Variants in MEX3A observed in about 807,000 individuals in gnomAD.
The protein encoded by MEX3A is mex-3 RNA binding family member A.
In MEX3A, 4 loss-of-function variants were observed where a neutral mutation model predicts 30.0. That is an observed-to-expected ratio of 0.13 (90% CI 0.07 to 0.30). The LOEUF is 0.30. MEX3A is among the 10% of genes least tolerant of loss of function. The pLI is 1.00. For missense variants in MEX3A, 555 were observed against 736.7 expected (o/e 0.75, Z 2.86); for synonymous variants, 335 against 327.6 (o/e 1.02, Z -0.24).
rs1248629516 is a variant in MEX3A at position 156,072,331 on chromosome 1, GA to G, written c.*4242del. 3.3e-5 allele frequency: 5 copies of G among 152,276 alleles called. No individual in the cohort carries two copies. The highest frequency in any genetic ancestry group is 7.4e-5 in the Non-Finnish European group (5 of 67,998). The allele number at this position is 152,276 out of a possible 1,614,324, so 9.4% of individuals were successfully genotyped here. A position where few individuals can be genotyped will look rare whatever the true frequency, so the allele number is the denominator to read the frequency against. On this transcript the variant is annotated 3_prime_UTR_variant, in exon 2 of 2. Coordinates refer to ENST00000532414, the MANE Select transcript of MEX3A (RefSeq NM_001093725.2). Reference sequence around the variant, plus strand: ...ACCCGCACCCTCGAGTGGGGAAGGGGAAGCCCTCCCCACCCCAGACGCTACC... The same window carrying G: ...ACCCGCACCCTCGAGTGGGGAAGGGGAGCCCTCCCCACCCCAGACGCTACC...
In MEX3A at chr1:156,074,948, C is replaced by G. The variant is rs563985727; in HGVS notation, c.*1626G>C. 4 of 152,720 alleles carry G rather than the reference C, an allele frequency of 2.6e-5. No individual in the cohort carries two copies. Among genetic ancestry groups the G allele is most frequent in the Non-Finnish European group, 5.9e-5 (4 of 68,038 alleles). The allele number at this position is 152,720 out of a possible 1,614,324, so 9.5% of individuals were successfully genotyped here. A position where few individuals can be genotyped will look rare whatever the true frequency, so the allele number is the denominator to read the frequency against. ...CTGGAGCTTTAAGTGCTCGGGTGATCACTCAGAACAGTCCCACCCCACTAT... is the reference window on the plus strand; with the variant it reads ...CTGGAGCTTTAAGTGCTCGGGTGATGACTCAGAACAGTCCCACCCCACTAT... On this transcript the variant is annotated 3_prime_UTR_variant, in exon 2 of 2. Transcript: ENST00000532414.
At position 156,082,031 on chromosome 1, in the gene MEX3A, A is replaced by G. The variant is rs1648267227; in HGVS notation, c.-33T>C. 9.4e-6 allele frequency: 7 copies of G among 741,680 alleles called. No individual in the cohort carries two copies. Among genetic ancestry groups the G allele is most frequent in the African/African-American group, 4.1e-5 (2 of 49,086 alleles). 45.9% of individuals were successfully genotyped at this position (741,680 alleles called of 1,614,324 possible). A position where few individuals can be genotyped will look rare whatever the true frequency, so the allele number is the denominator to read the frequency against. On this transcript the variant is annotated 5_prime_UTR_variant, in exon 1 of 2. Transcript: ENST00000532414. ...CAAAAGCTGGGGGAGAGAGAGAGGG[A>G]GAGAGAGAGAGAGAGGTGGTGGAAG... is the stretch of plus-strand genomic sequence containing the variant.
Position 156,072,658 on chromosome 1 carries a change from G to T in MEX3A, c.*3916C>A, listed in dbSNP as rs1228569811. The T allele has an allele frequency of 1.3e-5, 2 of 152,750 alleles. No individual in the cohort carries two copies. The highest frequency in any genetic ancestry group is 1.5e-5 in the Non-Finnish European group (1 of 68,028). 9.5% of individuals were successfully genotyped at this position (152,750 alleles called of 1,614,324 possible). A position where few individuals can be genotyped will look rare whatever the true frequency, so the allele number is the denominator to read the frequency against. On this transcript the variant is annotated 3_prime_UTR_variant, in exon 2 of 2. Transcript: ENST00000532414. ...GAAGCCAAGCCCTCCAGTTTTGTGT[G>T]GGGAGGGCAATGTGTTCCCAGGCCA...
rs1335919667 is a variant in MEX3A, at chr1:156,074,712, A to G, written c.*1862T>C. On this transcript the variant is annotated 3_prime_UTR_variant, in exon 2 of 2. Coordinates refer to ENST00000532414, the MANE Select transcript of MEX3A (RefSeq NM_001093725.2). ...AGGGTGCCCATTTGGTTTGGTTTCT[A>G]TTGTACAGACATCTCAGGATGGCTC... The G allele has an allele frequency of 7.0e-6, 1 of 142,892 alleles. No individual in the cohort carries two copies. The highest frequency in any genetic ancestry group is 2.3e-4 in the East Asian group (1 of 4,372). The allele number at this position is 142,892 out of a possible 1,614,324, so 8.9% of individuals were successfully genotyped here.
At chr1:156,078,130 C>G (rs916290688) in intron 1 of MEX3A, among the ~76,000 whole-genome samples, 5 of 152,328 alleles carry the variant, frequency 3.3e-5, no homozygotes, top group African/African-American at 9.6e-5. Flanking sequence ...GTCACTGACC[C>G]TGATCTTTCC....
In MEX3A at chr1:156,076,486, C is replaced by T. The variant is rs915007744; in HGVS notation, c.*88G>A. ...GAGTATCTCTAAGCACCTTGCCCCT[C>T]AAATCACCGCTTTCCAAAAGGCTTT... On this transcript the variant is annotated 3_prime_UTR_variant, in exon 2 of 2. Coordinates refer to ENST00000532414, the MANE Select transcript of MEX3A (RefSeq NM_001093725.2). This position sits in a 1 kb window ranked among gnomAD's most constrained non-coding sequence, Gnocchi z 6.0. 1 of 1,406,014 alleles carries T rather than the reference C, an allele frequency of 7.1e-7. No individual in the cohort carries two copies. The highest frequency in any genetic ancestry group is 1.4e-5 in the African/African-American group (1 of 69,396). The allele number at this position is 1,406,014 out of a possible 1,614,324, so 87.1% of individuals were successfully genotyped here.
chr1:156,081,409 G>T, intron 1 of MEX3A, 136 bp downstream of exon 1: 1 of 718,734 alleles, frequency 1.4e-6, no homozygotes, highest in South Asian at 1.5e-5. Flanking sequence ...TTGAAATCAG[G>T]GTAGGGGGCG....
At position 156,077,801 on chromosome 1, in the gene MEX3A, C is replaced by T; in HGVS notation, c.455-119G>A. 1 of 1,406,734 alleles carries T rather than the reference C, an allele frequency of 7.1e-7. No homozygotes were observed. The allele number at this position is 1,406,734 out of a possible 1,614,324, so 87.1% of individuals were successfully genotyped here. ...AGCCTCCCAGGAACACTTCAGTCTACCCTTTGAAATGCCCACTGCTGCACA... is the reference window on the plus strand; with the variant it reads ...AGCCTCCCAGGAACACTTCAGTCTATCCTTTGAAATGCCCACTGCTGCACA... On this transcript the variant is annotated intron_variant, in intron 1 of 1. Coordinates refer to ENST00000532414, the MANE Select transcript of MEX3A (RefSeq NM_001093725.2). The surrounding 1 kb of genome is among the most constrained non-coding windows in gnomAD (Gnocchi z 8.3).
rs1647956949 is a variant in MEX3A, at chr1:156,072,979, A to G, written c.*3595T>C. ...TACTGCTGCCATGGAGGTCAAAGCTAAGTGGAAAGCTGGATGGGAACAGGG... is the reference window on the plus strand; with the variant it reads ...TACTGCTGCCATGGAGGTCAAAGCTGAGTGGAAAGCTGGATGGGAACAGGG... On this transcript the variant is annotated 3_prime_UTR_variant, in exon 2 of 2. Coordinates refer to ENST00000532414, the MANE Select transcript of MEX3A (RefSeq NM_001093725.2). The G allele has an allele frequency of 6.6e-6, 1 of 152,418 alleles. No homozygotes were observed. Among genetic ancestry groups the G allele is most frequent in the Non-Finnish European group, 1.5e-5 (1 of 68,060 alleles). 9.4% of individuals were successfully genotyped at this position (152,418 alleles called of 1,614,324 possible). A position where few individuals can be genotyped will look rare whatever the true frequency, so the allele number is the denominator to read the frequency against.
chr1:156,081,409 G>C, intron 1 of MEX3A, 136 bp downstream of exon 1: 1 of 718,734 alleles, frequency 1.4e-6, no homozygotes, highest in Non-Finnish European at 2.4e-6. Flanking sequence ...TTGAAATCAG[G>C]GTAGGGGGCG....
In MEX3A at chr1:156,076,567, A is replaced by G. The variant is rs1648068960; in HGVS notation, c.*7T>C. On this transcript the variant is annotated 3_prime_UTR_variant, in exon 2 of 2. Transcript: ENST00000532414. The surrounding 1 kb of genome is among the most constrained non-coding windows in gnomAD (Gnocchi z 6.0). ...GGAGTGGGCCCCGGAGGCATGGGGC[A>G]CGGGGCTTAGGAGAATATTCGGATG... 4 of 1,603,062 alleles carry G rather than the reference A, an allele frequency of 2.5e-6. No individual in the cohort carries two copies. Among genetic ancestry groups the G allele is most frequent in the African/African-American group, 2.7e-5 (2 of 74,662 alleles).
chr1:156,076,415 G>T lies in MEX3A; in HGVS notation c.*159C>A. The stretch of plus-strand genomic sequence containing the variant: ...GGTGACCAGAGGCTCTGAAAGTGGC[G>T]CACCCTCCAGCCACCACTGCCTCCC... On this transcript the variant is annotated 3_prime_UTR_variant, in exon 2 of 2. Coordinates refer to ENST00000532414, the MANE Select transcript of MEX3A (RefSeq NM_001093725.2). The surrounding 1 kb of genome is among the most constrained non-coding windows in gnomAD (Gnocchi z 6.0). 1.4e-6 allele frequency: 1 copy of T among 725,234 alleles called. No homozygotes were observed. Among genetic ancestry groups the T allele is most frequent in the Non-Finnish European group, 2.1e-6 (1 of 465,360 alleles). The allele number at this position is 725,234 out of a possible 1,614,324, so 44.9% of individuals were successfully genotyped here.
At chr1:156,079,339 G>A (rs904084469) in intron 1 of MEX3A, among the ~76,000 whole-genome samples, 6 of 151,850 alleles carry the variant, frequency 4.0e-5, no homozygotes, top group African/African-American at 9.7e-5. Flanking sequence ...TCAGCCTCCC[G>A]AGTAGCTGGG....
At position 156,076,429 on chromosome 1, in the gene MEX3A, C is replaced by T. The variant is rs1648065213; in HGVS notation, c.*145G>A. The T allele has an allele frequency of 1.2e-6, 1 of 857,972 alleles. No homozygotes were observed. Among genetic ancestry groups the T allele is most frequent in the Admixed American group, 3.1e-5 (1 of 32,582 alleles). 53.1% of individuals were successfully genotyped at this position (857,972 alleles called of 1,614,324 possible). A position where few individuals can be genotyped will look rare whatever the true frequency, so the allele number is the denominator to read the frequency against. On this transcript the variant is annotated 3_prime_UTR_variant, in exon 2 of 2. Transcript: ENST00000532414. The surrounding 1 kb of genome is among the most constrained non-coding windows in gnomAD (Gnocchi z 6.0). Reference sequence around the variant, plus strand: ...CTGAAAGTGGCGCACCCTCCAGCCACCACTGCCTCCCTCCCCCCTTCCCCA... The same window carrying T: ...CTGAAAGTGGCGCACCCTCCAGCCATCACTGCCTCCCTCCCCCCTTCCCCA...
chr1:156,080,666 G>A (rs1435096462), intron 1 of MEX3A, among the ~76,000 whole-genome samples: 2 of 152,098 alleles, frequency 1.3e-5, no homozygotes, highest in Admixed American at 1.3e-4. Context: ...TGGAGCAGCA[G>A]AGGGTGTGGT....
In MEX3A at chr1:156,082,018, G is replaced by T. The variant is rs1239314757; in HGVS notation, c.-20C>A. ...AGGCATGGCGAAACAAAAGCTGGGGGAGAGAGAGAGGGAGAGAGAGAGAGA... is the reference window on the plus strand; with the variant it reads ...AGGCATGGCGAAACAAAAGCTGGGGTAGAGAGAGAGGGAGAGAGAGAGAGA... On this transcript the variant is annotated 5_prime_UTR_variant, in exon 1 of 2. Transcript: ENST00000532414. The T allele has an allele frequency of 3.0e-6, 4 of 1,328,182 alleles. No individual in the cohort carries two copies. Among genetic ancestry groups the T allele is most frequent in the Middle Eastern group, 1.9e-4 (1 of 5,146 alleles). 82.3% of individuals were successfully genotyped at this position (1,328,182 alleles called of 1,614,324 possible). A position where few individuals can be genotyped will look rare whatever the true frequency, so the allele number is the denominator to read the frequency against.
chr1:156,072,908 G>A lies in MEX3A; in HGVS notation c.*3666C>T, dbSNP rs1369681710. ...ACAAGAAAGCACTTTGCAAGTAGGT[G>A]AAGAACGAGTCAGCTTTAAAGAACA... On this transcript the variant is annotated 3_prime_UTR_variant, in exon 2 of 2. Transcript: ENST00000532414. 6.6e-6 allele frequency: 1 copy of A among 152,376 alleles called. No individual in the cohort carries two copies. The highest frequency in any genetic ancestry group is 1.5e-5 in the Non-Finnish European group (1 of 68,046). 9.4% of individuals were successfully genotyped at this position (152,376 alleles called of 1,614,324 possible).
Position 156,081,611 on chromosome 1 carries a change from T to C in MEX3A, c.388A>G (p.Ser130Gly). 6.3e-7 allele frequency: 1 copy of C among 1,582,314 alleles called. No homozygotes were observed. The highest frequency in any genetic ancestry group is 8.6e-7 in the Non-Finnish European group (1 of 1,166,726). Residue 130 changes from serine (S) to glycine (G), a missense_variant, in exon 1 of 2, where the codon AGC becomes GGC. Around this residue, in one of 6 missense-constraint regions of MEX3A, gnomAD observed 32 missense variants for 107.4 expected, o/e 0.30. Transcript: ENST00000532414. Reference protein sequence around the residue: ...KEAELRLKGSSNTTECVPVPT... With the variant: ...KEAELRLKGSGNTTECVPVPT... ...ACGGGAACACACTCCGTGGTGTTGC[T>C]GCTGCCCTTCAGGCGCAGCTCGGCC...
In MEX3A at chr1:156,074,153, C is replaced by CT. The variant is rs558262974; in HGVS notation, c.*2420dup. On this transcript the variant is annotated 3_prime_UTR_variant, in exon 2 of 2. Coordinates refer to ENST00000532414, the MANE Select transcript of MEX3A (RefSeq NM_001093725.2). Reference sequence around the variant, plus strand: ...TAAACCCAAACATATATTAAAAACACTTTTTTTTTTTAAGATTTAACTCTG... The same window carrying CT: ...TAAACCCAAACATATATTAAAAACACTTTTTTTTTTTTAAGATTTAACTCTG... The CT allele has an allele frequency of 6.0e-4, 88 of 146,924 alleles. No homozygotes were observed. The highest frequency in any genetic ancestry group is 1.7e-3 in the South Asian group (8 of 4,632). The allele number at this position is 146,924 out of a possible 1,614,324, so 9.1% of individuals were successfully genotyped here.
Sources: allele counts gnomAD v4.1 joint callset (sites outside exome capture counted in the v4.1 genomes callset), GRCh38; gene constraint gnomAD v4.1.1; regional missense constraint gnomAD v4.1.1; non-coding constraint Gnocchi (gnomAD v3.1); transcripts MANE v1.5; gene names NCBI Gene and HGNC (gene_info 2026-07-23, HGNC 2026-07-21).